IQCM: variants seen among roughly 807,000 people sequenced by gnomAD.
IQCM encodes the protein IQ motif containing M, also known as IQ domain-containing protein M.
In IQCM, 45 loss-of-function variants were observed where a neutral mutation model predicts 57.6. That is an observed-to-expected ratio of 0.78 (90% CI 0.62 to 1.00). IQCM has a LOEUF of 1.00. Ranked by LOEUF, IQCM falls within the 50% of genes least tolerant of loss-of-function variation. IQCM has a pLI of 0.00. For missense variants in IQCM, 468 were observed against 511.6 expected (o/e 0.91, Z 0.82); for synonymous variants, 148 against 158.9 (o/e 0.93, Z 0.51).
chr4:149,744,274 A>G (rs1270573543), intron 2 of IQCM, among the ~76,000 whole-genome samples: 1 of 152,220 alleles, frequency 6.6e-6, no homozygotes, highest in Non-Finnish European at 1.5e-5. Context: ...TAGTTCTGCA[A>G]ATGAACTGGG....
intron 8 of IQCM, among the ~76,000 whole-genome samples, chr4:149,614,691 T>C (rs1163896286): frequency 6.6e-6 from 1 of 152,136 alleles, no homozygotes; most frequent in Non-Finnish European, 1.5e-5. Flanking sequence ...GGGCCACACA[T>C]AAAATACACT....
In IQCM at chr4:149,592,023, G is replaced by A. The variant is rs191834737; in HGVS notation, c.682-4026C>T. Among the ~76,000 whole-genome samples, 1,252 of 152,166 alleles carry A rather than the reference G, an allele frequency of 8.2e-3. 13 individuals carry two copies. The highest frequency in any genetic ancestry group is 0.02 in the Middle Eastern group (6 of 294). On this transcript the variant is annotated intron_variant, in intron 8 of 13. Coordinates refer to ENST00000636793, the MANE Select transcript of IQCM (RefSeq NM_001363507.2). ...TCCAGTTCTAGATCTTTGAGGAATC[G>A]CCACACATTGTCTTCCACAATGGTT... is the stretch of plus-strand genomic sequence containing the variant.
intron 12 of IQCM, among the ~76,000 whole-genome samples, chr4:149,486,450 T>G (rs1021283216): frequency 6.6e-6 from 1 of 152,044 alleles, no homozygotes; most frequent in Non-Finnish European, 1.5e-5. Context: ...TTCTGTTCAC[T>G]TAAAGCCCAA....
intron 2 of IQCM, among the ~76,000 whole-genome samples, chr4:149,812,417 C>T (rs535121213): frequency 1.3e-4 from 20 of 150,948 alleles, no homozygotes; most frequent in Admixed American, 5.3e-4. Flanking sequence ...AAACCTCATG[C>T]TAAATTTCTT....
intron 13 of IQCM, among the ~76,000 whole-genome samples, chr4:149,405,211 T>C (rs563774606): frequency 6.6e-6 from 1 of 152,174 alleles, no homozygotes; most frequent in East Asian, 1.9e-4. Flanking sequence ...CAACAAACAG[T>C]TCCTAGTAGA....
chr4:149,359,128 A>T (rs570778911), intron 13 of IQCM, among the ~76,000 whole-genome samples: 2 of 152,270 alleles, frequency 1.3e-5, no homozygotes, highest in East Asian at 3.9e-4. Context: ...CACTTGTGTG[A>T]TCCAAAAATA....
At chr4:149,387,328 G>A (rs1578882260) in intron 13 of IQCM, among the ~76,000 whole-genome samples, 2 of 152,066 alleles carry the variant, frequency 1.3e-5, no homozygotes, top group Non-Finnish European at 2.9e-5. Context: ...ATCACCTTGA[G>A]GGTTGGGATT....
intron 13 of IQCM, among the ~76,000 whole-genome samples, chr4:149,377,894 G>T (rs568388279): frequency 2.4e-4 from 37 of 152,214 alleles, no homozygotes; most frequent in Admixed American, 4.6e-4. Context: ...GAAGAGGCCT[G>T]ATATTGTTTG....
chr4:149,732,596 AAT>A (rs1766561302), intron 5 of IQCM, among the ~76,000 whole-genome samples: 2 of 152,272 alleles, frequency 1.3e-5, no homozygotes, highest in South Asian at 4.1e-4. Flanking sequence ...TTCTTTGTTG[AAT>A]AGGAAAAATA....
At chr4:149,611,498 A>C (rs1755284928) in intron 8 of IQCM, among the ~76,000 whole-genome samples, 1 of 152,304 alleles carries the variant, frequency 6.6e-6, no homozygotes, top group Non-Finnish European at 1.5e-5. Flanking sequence ...AATATTATTC[A>C]GACATAAAAA....
chr4:149,451,025 G>T (rs757634376), intron 12 of IQCM, among the ~76,000 whole-genome samples: 1 of 151,816 alleles, frequency 6.6e-6, no homozygotes, highest in Non-Finnish European at 1.5e-5. Flanking sequence ...ATGAGATCCT[G>T]TCATTTGCAA....
At chr4:149,575,865 G>A (rs34306281) in intron 9 of IQCM, among the ~76,000 whole-genome samples, 75,495 of 117,364 alleles carry the variant, frequency 0.64, 19,137 homozygotes, top group Non-Finnish European at 0.68. Flanking sequence ...TTTTCCAGGC[G>A]CATGATATCA....
intron 7 of IQCM, among the ~76,000 whole-genome samples, chr4:149,656,878 T>C (rs995459818): frequency 2.6e-5 from 4 of 152,144 alleles, no homozygotes; most frequent in African/African-American, 9.7e-5. Context: ...AGCCAGTGTG[T>C]TTTAAGGAGA....
At chr4:149,718,498 C>T (rs1349438477) in intron 5 of IQCM, among the ~76,000 whole-genome samples, 1 of 152,206 alleles carries the variant, frequency 6.6e-6, no homozygotes, top group Non-Finnish European at 1.5e-5. Flanking sequence ...CACTTCTATA[C>T]TCCTTTTGAC....
chr4:149,611,680 G>T (rs1436473660), intron 8 of IQCM, among the ~76,000 whole-genome samples: 2 of 152,008 alleles, frequency 1.3e-5, no homozygotes, highest in Non-Finnish European at 2.9e-5. Context: ...ACCCAAGTCT[G>T]GGAAGAGTAA....
intron 2 of IQCM, among the ~76,000 whole-genome samples, chr4:149,750,448 G>C (rs1044638354): frequency 9.2e-5 from 14 of 152,320 alleles, no homozygotes; most frequent in African/African-American, 3.1e-4. Flanking sequence ...ATTTCAGTTA[G>C]AAATGTATCA....
chr4:149,510,083 A>G (rs757610691), intron 12 of IQCM, among the ~76,000 whole-genome samples: 12 of 152,196 alleles, frequency 7.9e-5, no homozygotes, highest in South Asian at 2.1e-4. Flanking sequence ...ACAAAAATAT[A>G]GCAAAATTTC....
intron 13 of IQCM, among the ~76,000 whole-genome samples, chr4:149,388,279 A>G (rs768000611): frequency 1.2e-4 from 18 of 151,570 alleles, no homozygotes; most frequent in Non-Finnish European, 2.4e-4. Context: ...AAATTGCACC[A>G]TTTTACATTC....
chr4:149,444,785 A>T (rs1234447608), intron 12 of IQCM, among the ~76,000 whole-genome samples: 1 of 151,978 alleles, frequency 6.6e-6, no homozygotes, highest in African/African-American at 2.4e-5. Context: ...TATTAGTTAA[A>T]TTGATAACAA....
Sources: allele counts gnomAD v4.1 joint callset (sites outside exome capture counted in the v4.1 genomes callset), GRCh38; gene constraint gnomAD v4.1.1; transcripts MANE v1.5; gene names NCBI Gene and HGNC (gene_info 2026-07-23, HGNC 2026-07-21).